The following ERVFRD-1 variants were observed in gnomAD, a reference collection of about 807,000 sequenced individuals.
ERVFRD-1 encodes syncytin-2.
ERVFRD-1 carries 33 observed loss-of-function variants against 43.8 expected under a neutral mutation model. The observed-to-expected ratio is 0.75, with a 90% CI of 0.57 to 1.01. The LOEUF is 1.01. Among genes scored for constraint, ERVFRD-1 ranks in the 50% least tolerant of loss-of-function variants. ERVFRD-1 has a pLI of 0.00. For missense variants in ERVFRD-1, 568 were observed against 658.4 expected (o/e 0.86, Z 1.50); for synonymous variants, 239 against 244.4 (o/e 0.98, Z 0.21).
rs1758031814 is a variant in ERVFRD-1, at chr6:11,103,624, A to G, written c.*70T>C. ...GGATTGGCAAAAACCATATCCAGCC[A>G]GGTCCACGGGAGACGGGGCAGGATT... On this transcript the variant is annotated 3_prime_UTR_variant, in exon 2 of 2. Coordinates refer to ENST00000472091, the MANE Select transcript of ERVFRD-1 (RefSeq NM_207582.3). 4 of 1,469,474 alleles carry G rather than the reference A, an allele frequency of 2.7e-6. No homozygotes were observed. The Admixed American group carries it at 1.1e-4, about 39-fold the overall frequency. The allele number at this position is 1,469,474 out of a possible 1,614,324, so 91.0% of individuals were successfully genotyped here.
chr6:11,105,056 C>T lies in ERVFRD-1; in HGVS notation c.255G>A (p.Leu85=). The stretch of plus-strand genomic sequence containing the variant: ...AAAGAAGACTATTTGCAGGCCTCAT[C>T]AGTCCTTTCAGATTAGGGTCCCATC... The part of the protein sequence containing the change: ...SYRWDPNLKG[L]MRPANSLLST... Residue 85 remains leucine, a synonymous_variant, in exon 2 of 2, where the codon CTG becomes CTA. Coordinates refer to ENST00000472091, the MANE Select transcript of ERVFRD-1 (RefSeq NM_207582.3). The T allele has an allele frequency of 1.2e-6, 2 of 1,614,176 alleles. No individual in the cohort carries two copies. The highest frequency in any genetic ancestry group is 1.7e-6 in the Non-Finnish European group (2 of 1,180,032).
Position 11,105,046 on chromosome 6 carries a change from C to T in ERVFRD-1, c.265G>A (p.Ala89Thr). Residue 89 changes from alanine (A) to threonine (T), a missense_variant, in exon 2 of 2, where the codon GCA becomes ACA. Coordinates refer to ENST00000472091, the MANE Select transcript of ERVFRD-1 (RefSeq NM_207582.3). ...TTTACTGTTGAAAGAAGACTATTTG[C>T]AGGCCTCATCAGTCCTTTCAGATTA... ...DPNLKGLMRP[A>T]NSLLSTVKQD... 1 of 1,614,176 alleles carries T rather than the reference C, an allele frequency of 6.2e-7. No homozygotes were observed. Among genetic ancestry groups the T allele is most frequent in the South Asian group, 1.1e-5 (1 of 91,082 alleles).
In ERVFRD-1 at chr6:11,103,693, C is replaced by A. The variant is rs759847773; in HGVS notation, c.*1G>T. The A allele has an allele frequency of 1.3e-6, 2 of 1,548,622 alleles. No individual in the cohort carries two copies. The highest frequency in any genetic ancestry group is 2.4e-5 in the South Asian group (2 of 83,670). On this transcript the variant is annotated 3_prime_UTR_variant, in exon 2 of 2. Transcript: ENST00000472091. Reference sequence around the variant, plus strand: ...ACTAGCGAGCAGTCTAGGGGTCCTCCTTAGAAGGGTGACTCTTGAATATTG... The same window carrying A: ...ACTAGCGAGCAGTCTAGGGGTCCTCATTAGAAGGGTGACTCTTGAATATTG...
chr6:11,105,356 TC>T lies in ERVFRD-1; in HGVS notation c.-47del. On this transcript the variant is annotated 5_prime_UTR_variant, in exon 2 of 2. Coordinates refer to ENST00000472091, the MANE Select transcript of ERVFRD-1 (RefSeq NM_207582.3). Reference sequence around the variant, plus strand: ...TCACAAAACGAGCTGCCAATGGAACTCCTGGTGGTGTACAAGTTAGGGTTAA... The same window carrying T: ...TCACAAAACGAGCTGCCAATGGAACTCTGGTGGTGTACAAGTTAGGGTTAA... 6.9e-7 allele frequency: 1 copy of T among 1,440,720 alleles called. No homozygotes were observed. Among genetic ancestry groups the T allele is most frequent in the Non-Finnish European group, 9.6e-7 (1 of 1,044,348 alleles). The allele number at this position is 1,440,720 out of a possible 1,614,324, so 89.2% of individuals were successfully genotyped here. A position where few individuals can be genotyped will look rare whatever the true frequency, so the allele number is the denominator to read the frequency against.
chr6:11,108,421 G>A (rs960152127), intron 1 of ERVFRD-1, among the ~76,000 whole-genome samples: 2 of 152,218 alleles, frequency 1.3e-5, no homozygotes, highest in African/African-American at 4.8e-5. Flanking sequence ...CATCCAGTTG[G>A]GATGTCCTGA....
At chr6:11,108,869 T>C (rs919489396) in intron 1 of ERVFRD-1, among the ~76,000 whole-genome samples, 1 of 152,224 alleles carries the variant, frequency 6.6e-6, no homozygotes, top group African/African-American at 2.4e-5. Flanking sequence ...GGTTAGTGTG[T>C]TTCACTAGGG....
Position 11,103,148 on chromosome 6 carries a change from C to T in ERVFRD-1, c.*546G>A, listed in dbSNP as rs72825117. ...TTCACTGGAGGAGTTTTTCCCTTAC[C>T]AGTCAAGCCTTCCTAAAGGAAGGTC... On this transcript the variant is annotated 3_prime_UTR_variant, in exon 2 of 2. Coordinates refer to ENST00000472091, the MANE Select transcript of ERVFRD-1 (RefSeq NM_207582.3). 0.02 allele frequency: 3,089 copies of T among 152,654 alleles called. 47 individuals carry two copies. Among genetic ancestry groups the T allele is most frequent in the South Asian group, 0.049 (239 of 4,850 alleles). 9.5% of individuals were successfully genotyped at this position (152,654 alleles called of 1,614,324 possible). A position where few individuals can be genotyped will look rare whatever the true frequency, so the allele number is the denominator to read the frequency against.
Position 11,104,386 on chromosome 6 carries a change from G to A in ERVFRD-1, c.925C>T (p.Leu309Phe). The A allele has an allele frequency of 6.4e-7, 1 of 1,551,676 alleles. No homozygotes were observed. The highest frequency in any genetic ancestry group is 8.7e-7 in the Non-Finnish European group (1 of 1,147,004). The change falls in exon 2 of 2, where the codon CTC (leucine) becomes TTC (phenylalanine). Residue 309 changes from leucine to phenylalanine, a missense_variant. Leu to Phe is a conservative substitution (Grantham distance 22). Transcript: ENST00000472091. ...YICGQSIHQC[L>F]PSNWTGTCTI... ...CAAGTTCCAGTCCAGTTACTGGGGA[G>A]GCATTGGTGAATCGACTGGCCACAA... is the stretch of plus-strand genomic sequence containing the variant.
At position 11,103,751 on chromosome 6, in the gene ERVFRD-1, G is replaced by T; in HGVS notation, c.1560C>A (p.Leu520=). 1 of 1,551,668 alleles carries T rather than the reference G, an allele frequency of 6.4e-7. No homozygotes were observed. Among genetic ancestry groups the T allele is most frequent in the East Asian group, 2.4e-5 (1 of 40,920 alleles). ...FVSSRLQAIK[L]QTNLSAGRHP... ...GGCGTCCTGCACTGAGATTCGTCTG[G>T]AGCTTTATGGCCTGAAGGCGAGAGG... The change falls in exon 2 of 2, where the codon CTC becomes CTA. Residue 520 remains leucine, a synonymous_variant. Transcript: ENST00000472091.
Position 11,106,925 on chromosome 6 carries a change from G to C in ERVFRD-1, c.-320-1295C>G, listed in dbSNP as rs553313581. Among the ~76,000 whole-genome samples the C allele has an allele frequency of 3.9e-5, 6 of 152,340 alleles. No homozygotes were observed. The South Asian group carries it at 1.2e-3, about 32-fold the overall frequency. On this transcript the variant is annotated intron_variant, in intron 1 of 1. Coordinates refer to ENST00000472091, the MANE Select transcript of ERVFRD-1 (RefSeq NM_207582.3). ...ATAGCTGTGTGAGTGTGAAGAACCAGAAACGTGTATTTGGAATTTGTATAT... is the reference window on the plus strand; with the variant it reads ...ATAGCTGTGTGAGTGTGAAGAACCACAAACGTGTATTTGGAATTTGTATAT...
rs750832373 is a variant in ERVFRD-1, at chr6:11,103,745, C to A, written c.1566G>T (p.Thr522=). Reference sequence around the variant, plus strand: ...GAGGATGGCGTCCTGCACTGAGATTCGTCTGGAGCTTTATGGCCTGAAGGC... The same window carrying A: ...GAGGATGGCGTCCTGCACTGAGATTAGTCTGGAGCTTTATGGCCTGAAGGC... ...SSRLQAIKLQ[T]NLSAGRHPRN... The change falls in exon 2 of 2, where the codon ACG becomes ACT. Residue 522 remains threonine (T), a synonymous_variant. Transcript: ENST00000472091. 3 of 1,551,608 alleles carry A rather than the reference C, an allele frequency of 1.9e-6. No individual in the cohort carries two copies. The highest frequency in any genetic ancestry group is 2.6e-6 in the Non-Finnish European group (3 of 1,146,960).
Position 11,104,006 on chromosome 6 carries a change from A to G in ERVFRD-1, c.1305T>C (p.Asp435=). The G allele has an allele frequency of 6.4e-7, 1 of 1,551,650 alleles. No homozygotes were observed. The highest frequency in any genetic ancestry group is 1.4e-5 in the African/African-American group (1 of 73,136). The part of the protein sequence containing the change: ...AAQGGICLAL[D]EKCCFWVNQS... ...GATTTACCCAAAAGCAACATTTTTC[A>G]TCTAAGGCCAAACAAATTCCTCCCT... Residue 435 remains aspartate, a synonymous_variant, in exon 2 of 2, where the codon GAT becomes GAC. Transcript: ENST00000472091.
chr6:11,108,522 A>G (rs9380094), intron 1 of ERVFRD-1, among the ~76,000 whole-genome samples: 117,425 of 152,066 alleles, frequency 0.77, 46,106 homozygotes, highest in African/African-American at 0.91. Context: ...TGTCCCCATC[A>G]GTTTGGGCAC....
chr6:11,111,036 A>T (rs151240479), intron 1 of ERVFRD-1, among the ~76,000 whole-genome samples: 372 of 152,344 alleles, frequency 2.4e-3, no homozygotes, highest in Middle Eastern at 0.01. Context: ...ATTAGTGTCT[A>T]TCCCGGCAGT....
rs1264310162 is a variant in ERVFRD-1, at chr6:11,104,752, C to T, written c.559G>A (p.Asp187Asn). 1.2e-6 allele frequency: 2 copies of T among 1,614,208 alleles called. No individual in the cohort carries two copies. Among genetic ancestry groups the T allele is most frequent in the Admixed American group, 3.3e-5 (2 of 60,030 alleles). ...CCCTGGCAAAACCGGCTGGATTTAT[C>T]TAGCAAAGTTCCCTGAGGAAAAGTA... ...NITFPQGTLL[D>N]KSSRFCQGRP... The change falls in exon 2 of 2, where the codon GAT (aspartate) becomes AAT (asparagine). Residue 187 changes from aspartate (D) to asparagine (N), a missense_variant. Transcript: ENST00000472091.
rs1461023573 is a variant in ERVFRD-1 at position 11,111,685 on chromosome 6, A to G, written c.-329T>C. On this transcript the variant is annotated 5_prime_UTR_variant, in exon 1 of 2. Coordinates refer to ENST00000472091, the MANE Select transcript of ERVFRD-1 (RefSeq NM_207582.3). Reference sequence around the variant, plus strand: ...GCGTAGAGGTGTCTTACCACTAGGGAAGGTATCCGAGTCACTGCACCATTT... The same window carrying G: ...GCGTAGAGGTGTCTTACCACTAGGGGAGGTATCCGAGTCACTGCACCATTT... 2.0e-5 allele frequency: 3 copies of G among 152,250 alleles called. No individual in the cohort carries two copies. Among genetic ancestry groups the G allele is most frequent in the Non-Finnish European group, 2.9e-5 (2 of 68,086 alleles). 9.4% of individuals were successfully genotyped at this position (152,250 alleles called of 1,614,324 possible).
chr6:11,104,451 T>C lies in ERVFRD-1; in HGVS notation c.860A>G (p.His287Arg), dbSNP rs1218087156. The C allele has an allele frequency of 7.7e-6, 12 of 1,551,718 alleles. No homozygotes were observed. The highest frequency in any genetic ancestry group is 1.4e-5 in the African/African-American group (1 of 73,020). Residue 287 changes from histidine (H) to arginine (R), a missense_variant, in exon 2 of 2, where the codon CAT (histidine) becomes CGT (arginine). Coordinates refer to ENST00000472091, the MANE Select transcript of ERVFRD-1 (RefSeq NM_207582.3). ...GTSLTPLFHF[H>R]ISTCLKTQGA... is the part of the protein sequence containing the mutation. The stretch of plus-strand genomic sequence containing the variant: ...TTGAGTTTTAAGGCATGTAGAGATA[T>C]GGAAATGAAATAAGGGGGTGAGGGA...
chr6:11,105,283 G>T lies in ERVFRD-1; in HGVS notation c.28C>A (p.Leu10Ile), dbSNP rs767702497. MGLLLLVLI[L>I]TPSLAAYRHP... Reference sequence around the variant, plus strand: ...CGGTAGGCTGCTAGTGAAGGCGTGAGAATGAGAACCAGCAGGAGCAGGCCC... The same window carrying T: ...CGGTAGGCTGCTAGTGAAGGCGTGATAATGAGAACCAGCAGGAGCAGGCCC... The change falls in exon 2 of 2, where the codon CTC becomes ATC. Residue 10 changes from leucine (L) to isoleucine (I), a missense_variant. By Grantham distance (5) the Leu-to-Ile change is conservative. Transcript: ENST00000472091. 1.2e-6 allele frequency: 2 copies of T among 1,613,942 alleles called. No homozygotes were observed. Among genetic ancestry groups the T allele is most frequent in the Non-Finnish European group, 1.7e-6 (2 of 1,179,900 alleles).
intron 1 of ERVFRD-1, among the ~76,000 whole-genome samples, chr6:11,105,854 T>G (rs1303018073): frequency 6.6e-6 from 1 of 152,166 alleles, no homozygotes; most frequent in African/African-American, 2.4e-5. Flanking sequence ...TTTTAGCAGT[T>G]TCTTCATCTA....
Sources: gnomAD v4.1 joint callset for allele counts (sites outside exome capture counted in the v4.1 genomes callset) on GRCh38, gnomAD v4.1.1 for gene constraint, MANE v1.5 for transcripts, NCBI Gene and HGNC (gene_info 2026-07-23, HGNC 2026-07-21) for gene names.